Variants in ZBTB44 observed in about 807,000 individuals in gnomAD.
ZBTB44 encodes zinc finger and BTB domain containing 44, also known as zinc finger and BTB domain-containing protein 44.
ZBTB44 carries 15 observed loss-of-function variants against 54.0 expected under a neutral mutation model. The ratio of observed to expected loss-of-function variants is 0.28; its 90% CI spans 0.19 to 0.43. The LOEUF (loss-of-function observed/expected upper bound fraction) is 0.43. Among genes scored for constraint, ZBTB44 ranks in the 20% least tolerant of loss-of-function variants. The pLI is 1.00. For missense variants in ZBTB44, 487 were observed against 707.1 expected, an observed-to-expected ratio of 0.69 and a Z score of 3.53; for synonymous variants, 230 against 250.1, an observed-to-expected ratio of 0.92 and a Z score of 0.76.
chr11:130,242,094 T>C (rs1430426326), intron 2 of ZBTB44, among the ~76,000 whole-genome samples: 2 of 152,236 alleles, frequency 1.3e-5, no homozygotes, highest in African/African-American at 4.8e-5. Context: ...TGCATTCCTG[T>C]ATACATTTGA....
At chr11:130,276,585 C>T (rs1335938907) in intron 1 of ZBTB44, among the ~76,000 whole-genome samples, 1 of 151,940 alleles carries the variant, frequency 6.6e-6, no homozygotes, top group Non-Finnish European at 1.5e-5. Flanking sequence ...TAGGAGTGCA[C>T]CACCATGCCT....
intron 1 of ZBTB44, among the ~76,000 whole-genome samples, chr11:130,265,235 T>TATA (rs1182747424): frequency 6.6e-6 from 1 of 151,804 alleles, no homozygotes; most frequent in East Asian, 1.9e-4. Context: ...CTCACTTTAT[T>TATA]TTTTTTTATG....
At chr11:130,272,560 G>A (rs111463853) in intron 1 of ZBTB44, among the ~76,000 whole-genome samples, 1,975 of 152,204 alleles carry the variant, frequency 0.013, 48 homozygotes, top group African/African-American at 0.045. Context: ...CTTTTATGAC[G>A]GTGTCCTTTG....
intron 2 of ZBTB44, among the ~76,000 whole-genome samples, chr11:130,246,021 C>T (rs541530155): frequency 3.3e-5 from 5 of 152,166 alleles, no homozygotes; most frequent in Non-Finnish European, 5.9e-5. Context: ...TTTCCCTCAC[C>T]CATGGCTACT....
chr11:130,292,861 T>C (rs1941386369), intron 1 of ZBTB44, among the ~76,000 whole-genome samples: 1 of 152,166 alleles, frequency 6.6e-6, no homozygotes, highest in Admixed American at 6.5e-5. Flanking sequence ...CCAAAAGTTA[T>C]TAAAATAAGA....
chr11:130,253,258 C>T (rs540072380), intron 2 of ZBTB44, among the ~76,000 whole-genome samples: 5 of 151,992 alleles, frequency 3.3e-5, no homozygotes, highest in Non-Finnish European at 5.9e-5. Flanking sequence ...TATTCAATTA[C>T]GAAAAGAGGA....
At chr11:130,231,780 A>C (rs944234189) in intron 7 of ZBTB44, 65 bp from the exon 8 acceptor site, 3 of 152,210 alleles carry the variant, frequency 2.0e-5, no homozygotes, top group Non-Finnish European at 2.9e-5. Flanking sequence ...TTTTAAAATT[A>C]ATTTTGAGAT....
intron 2 of ZBTB44, among the ~76,000 whole-genome samples, chr11:130,248,310 A>G (rs1937700249): frequency 6.6e-6 from 1 of 152,176 alleles, no homozygotes; most frequent in South Asian, 2.1e-4. Context: ...TGGTTTGTTG[A>G]GAGTGATTAG....
intron 1 of ZBTB44, chr11:130,296,649 T>A: frequency 2.1e-6 from 2 of 947,822 alleles, no homozygotes; most frequent in South Asian, 2.6e-5. Flanking sequence ...CCAGAATAAT[T>A]GGGTTTTCTT....
chr11:130,263,227 G>A (rs1027101271), intron 1 of ZBTB44, among the ~76,000 whole-genome samples: 9 of 152,162 alleles, frequency 5.9e-5, no homozygotes, highest in Non-Finnish European at 1.2e-4. Flanking sequence ...ACAGAAGTTC[G>A]AATGTAAACT....
At chr11:130,297,832 A>G (rs1194088402) in intron 1 of ZBTB44, among the ~76,000 whole-genome samples, 1 of 152,238 alleles carries the variant, frequency 6.6e-6, no homozygotes, top group East Asian at 1.9e-4. Flanking sequence ...ACCCTAGCAA[A>G]CTAATACATG....
chr11:130,281,516 A>AAAAT (rs58860118), intron 1 of ZBTB44, among the ~76,000 whole-genome samples: 22,323 of 138,588 alleles, frequency 0.16, 2,058 homozygotes, highest in African/African-American at 0.25. Flanking sequence ...ACCCTGTCTC[A>AAAAT]AAATAAATAA....
At chr11:130,304,863 T>C (rs1592076503) in intron 1 of ZBTB44, among the ~76,000 whole-genome samples, 1 of 152,236 alleles carries the variant, frequency 6.6e-6, no homozygotes, top group East Asian at 1.9e-4. Context: ...ACCCTCAAGA[T>C]TCATTTGAAA....
intron 1 of ZBTB44, among the ~76,000 whole-genome samples, chr11:130,279,044 G>T (rs865918417): frequency 6.6e-6 from 1 of 151,928 alleles, no homozygotes; most frequent in Non-Finnish European, 1.5e-5. Context: ...ATATAGTATA[G>T]CAAATCCAGT....
Position 130,239,820 on chromosome 11 carries a change from A to G in ZBTB44, c.1095T>C (p.Asp365=). 6.2e-7 allele frequency: 1 copy of G among 1,612,222 alleles called. No individual in the cohort carries two copies. The highest frequency in any genetic ancestry group is 1.1e-5 in the South Asian group (1 of 90,786). The change falls in exon 3 of 8, where the codon GAT becomes GAC. Residue 365 remains aspartate, a synonymous_variant. Transcript: ENST00000357899. The part of the protein sequence containing the change: ...STSSTNAPPD[D]DDRLENVQYP... ...GCTATGTTAGTACTGACCGATCATC[A>G]TCATCCGGAGGAGCATTAGTGCTAG...
At chr11:130,248,136 T>C (rs1005592860) in intron 2 of ZBTB44, among the ~76,000 whole-genome samples, 1 of 152,254 alleles carries the variant, frequency 6.6e-6, no homozygotes, top group Non-Finnish European at 1.5e-5. Flanking sequence ...AGAGATGTTC[T>C]TTAACAAATT....
intron 2 of ZBTB44, among the ~76,000 whole-genome samples, chr11:130,251,021 C>A (rs1937953713): frequency 6.6e-6 from 1 of 152,112 alleles, no homozygotes; most frequent in Admixed American, 6.6e-5. Flanking sequence ...TCTATCTCAC[C>A]CAATGCAAGG....
At chr11:130,238,731 G>T in intron 3 of ZBTB44, 124 bp from the exon 4 acceptor site, 1 of 998,094 alleles carries the variant, frequency 1.0e-6, no homozygotes, top group Non-Finnish European at 1.4e-6. Context: ...CAGTTTAACT[G>T]TTAGACTTCA....
intron 1 of ZBTB44, among the ~76,000 whole-genome samples, chr11:130,308,275 C>G (rs1034128581): frequency 3.3e-5 from 5 of 152,344 alleles, no homozygotes; most frequent in Admixed American, 3.3e-4. Flanking sequence ...TTTCTCAGAA[C>G]ATATCCCCGT....
Sources: gnomAD v4.1 joint callset for allele counts (sites outside exome capture counted in the v4.1 genomes callset) on GRCh38, gnomAD v4.1.1 for gene constraint, MANE v1.5 for transcripts, NCBI Gene and HGNC (gene_info 2026-07-23, HGNC 2026-07-21) for gene names.